The following SND1 variants were observed in gnomAD, a reference collection of about 807,000 sequenced individuals.
The protein encoded by SND1 is staphylococcal nuclease domain-containing protein 1.
Under a neutral mutation model 121.7 loss-of-function variants are expected in SND1, and 38 were observed. The ratio of observed to expected loss-of-function variants is 0.31; its 90% CI spans 0.24 to 0.41. The LOEUF is 0.41. Among genes scored for constraint, SND1 ranks in the 10% least tolerant of loss-of-function variants. The pLI, the probability that SND1 is intolerant of heterozygous loss-of-function variation, is 1.00. For missense variants in SND1, 868 were observed against 1,184.6 expected (o/e 0.73, Z 3.92); for synonymous variants, 401 against 447.4 (o/e 0.90, Z 1.31).
At chr7:127,696,041 A>T (rs1399076106) in intron 3 of SND1, among the ~76,000 whole-genome samples, 1 of 152,216 alleles carries the variant, frequency 6.6e-6, no homozygotes, top group Non-Finnish European at 1.5e-5. Context: ...CCAGATGAAC[A>T]TGAAGTTATG....
intron 10 of SND1, among the ~76,000 whole-genome samples, chr7:127,780,371 G>A (rs1467271431): frequency 6.6e-6 from 1 of 152,166 alleles, no homozygotes; most frequent in Non-Finnish European, 1.5e-5. Flanking sequence ...TGAGATGGGT[G>A]CCTGAGTTAG....
At chr7:127,805,510 C>G (rs1158655180) in intron 10 of SND1, among the ~76,000 whole-genome samples, 1 of 152,170 alleles carries the variant, frequency 6.6e-6, no homozygotes, top group Non-Finnish European at 1.5e-5. Context: ...TTCCTTGACA[C>G]TGAAAGTGTT....
intron 17 of SND1, among the ~76,000 whole-genome samples, chr7:128,078,613 T>A (rs1793547129): frequency 6.6e-6 from 1 of 152,254 alleles, no homozygotes; most frequent in Non-Finnish European, 1.5e-5. Context: ...GCTGCCCACC[T>A]GAGCCTGCTG....
rs562031798 is a variant in SND1, at chr7:127,801,215, A to G, written c.1153-6269A>G. ...AAGTGCCAAAGTATTTAACCTTTTTATACTCCCATCAGTGGTTAAGGGGCA... is the reference window on the plus strand; with the variant it reads ...AAGTGCCAAAGTATTTAACCTTTTTGTACTCCCATCAGTGGTTAAGGGGCA... On this transcript the variant is annotated intron_variant, in intron 10 of 23. Coordinates refer to ENST00000354725, the MANE Select transcript of SND1 (RefSeq NM_014390.4). Among the ~76,000 whole-genome samples the G allele has an allele frequency of 7.3e-4, 111 of 152,306 alleles. 3 individuals are homozygous for G. The South Asian group carries it at 0.02, about 27-fold the overall frequency.
chr7:127,929,536 T>C lies in SND1; in HGVS notation c.1669+207T>C, dbSNP rs1012715523. Among the ~76,000 whole-genome samples the C allele has an allele frequency of 1.2e-4, 18 of 152,288 alleles. No individual in the cohort carries two copies. The South Asian group carries it at 1.2e-3, about 11-fold the overall frequency. ...GCACCCCCTTTCTGCTCCTCATTTC[T>C]ACCAAGCACAGGATGTAGGAGTAGA... On this transcript the variant is annotated intron_variant, in intron 15 of 23. Coordinates refer to ENST00000354725, the MANE Select transcript of SND1 (RefSeq NM_014390.4).
intron 10 of SND1, among the ~76,000 whole-genome samples, chr7:127,775,026 T>C (rs1303083876): frequency 6.6e-6 from 1 of 152,202 alleles, no homozygotes; most frequent in Non-Finnish European, 1.5e-5. Flanking sequence ...TGGCTTAGAA[T>C]GGGCCCTAAA....
intron 22 of SND1, among the ~76,000 whole-genome samples, chr7:128,090,578 C>T (rs1222326038): frequency 2.0e-5 from 3 of 152,170 alleles, no homozygotes; most frequent in Non-Finnish European, 4.4e-5. Flanking sequence ...CCAGCTTCTC[C>T]CTATGTTCCT....
chr7:127,852,745 A>T (rs1799193408), intron 12 of SND1, among the ~76,000 whole-genome samples: 1 of 151,802 alleles, frequency 6.6e-6, no homozygotes, highest in Non-Finnish European at 1.5e-5. Flanking sequence ...CAGGAGGCGG[A>T]GGTTGCAGTG....
intron 10 of SND1, among the ~76,000 whole-genome samples, chr7:127,805,965 C>T (rs1798231309): frequency 6.6e-6 from 1 of 152,178 alleles, no homozygotes; most frequent in African/African-American, 2.4e-5. Context: ...TCCTAGCATA[C>T]TTGATCTTTG....
At chr7:128,058,662 C>A (rs148843070) in intron 16 of SND1, among the ~76,000 whole-genome samples, 34 of 152,336 alleles carry the variant, frequency 2.2e-4, no homozygotes, top group Non-Finnish European at 4.6e-4. Flanking sequence ...GGGCCTTCAG[C>A]CTTTTTCTCC....
intron 10 of SND1, among the ~76,000 whole-genome samples, chr7:127,785,579 G>A (rs1797798063): frequency 1.3e-5 from 2 of 152,162 alleles, no homozygotes; most frequent in Non-Finnish European, 2.9e-5. Context: ...GACTGTAATT[G>A]CTAGATGTTC....
intron 21 of SND1, 21 bp from the exon 22 acceptor site, chr7:128,089,468 C>T: frequency 6.3e-7 from 1 of 1,599,316 alleles, no homozygotes; most frequent in Non-Finnish European, 8.5e-7. Flanking sequence ...TTGCTCTGAC[C>T]TGAGTGTGTC....
At chr7:127,984,767 G>T (rs943322456) in intron 15 of SND1, among the ~76,000 whole-genome samples, 1 of 152,190 alleles carries the variant, frequency 6.6e-6, no homozygotes, top group Non-Finnish European at 1.5e-5. Flanking sequence ...TGAGGGGAGA[G>T]AGCAGAGGAA....
At chr7:127,969,314 A>G (rs1801925171) in intron 15 of SND1, among the ~76,000 whole-genome samples, 1 of 152,122 alleles carries the variant, frequency 6.6e-6, no homozygotes, top group Non-Finnish European at 1.5e-5. Context: ...TGTCCCCTCA[A>G]ACACTAGTGC....
intron 21 of SND1, among the ~76,000 whole-genome samples, chr7:128,089,123 TGG>T (rs1793733653): frequency 6.6e-6 from 1 of 152,112 alleles, no homozygotes; most frequent in South Asian, 2.1e-4. Context: ...GGCGCAATAT[TGG>T]CTCACTGCAG....
intron 1 of SND1, among the ~76,000 whole-genome samples, chr7:127,661,473 T>A (rs556451030): frequency 6.6e-6 from 1 of 152,314 alleles, no homozygotes; most frequent in African/African-American, 2.4e-5. Context: ...AGGAGCTTCA[T>A]CCCTAGGCCT....
intron 15 of SND1, among the ~76,000 whole-genome samples, chr7:127,961,818 T>A (rs1262222959): frequency 6.6e-6 from 1 of 152,086 alleles, no homozygotes; most frequent in African/African-American, 2.4e-5. Context: ...GAGACCTAGT[T>A]GGAAGAAAAA....
At chr7:127,754,115 T>C (rs948312276) in intron 10 of SND1, among the ~76,000 whole-genome samples, 2 of 152,230 alleles carry the variant, frequency 1.3e-5, no homozygotes, top group African/African-American at 4.8e-5. Flanking sequence ...ACTCTCTGAA[T>C]GTGGTGTGTC....
chr7:127,702,204 G>C (rs1796116925), intron 5 of SND1, among the ~76,000 whole-genome samples: 1 of 152,178 alleles, frequency 6.6e-6, no homozygotes, highest in Admixed American at 6.5e-5. Flanking sequence ...TGAGGTCCCA[G>C]ACAGTTCAGA....
Sources: allele counts gnomAD v4.1 joint callset (sites outside exome capture counted in the v4.1 genomes callset), GRCh38; gene constraint gnomAD v4.1.1; transcripts MANE v1.5; gene names NCBI Gene and HGNC (gene_info 2026-07-23, HGNC 2026-07-21).